The following PLD1 variants were observed in gnomAD, a reference collection of about 807,000 sequenced individuals.
The protein encoded by PLD1 is phospholipase D1.
In PLD1, 112 loss-of-function variants were observed where a neutral mutation model predicts 137.1. That is an observed-to-expected ratio of 0.82 (90% CI 0.70 to 0.96). The LOEUF is 0.96. Among genes scored for constraint, PLD1 ranks in the 40% least tolerant of loss-of-function variants. The pLI is 0.00. For synonymous variants in PLD1, 431 were observed against 454.7 expected, an observed-to-expected ratio of 0.95 and a Z score of 0.66; for missense variants, 1,321 against 1,342.0, an observed-to-expected ratio of 0.98 and a Z score of 0.24.
At chr3:171,775,543 T>C (rs866253291) in intron 1 of PLD1, among the ~76,000 whole-genome samples, 3 of 152,098 alleles carry the variant, frequency 2.0e-5, no homozygotes, top group South Asian at 2.1e-4. Context: ...AAAGAACATC[T>C]GATTTAAAGA....
intron 1 of PLD1, among the ~76,000 whole-genome samples, chr3:171,808,815 A>ATTTTTATTTTTTTTTTTTTTTTT (rs1723981150): frequency 1.2e-5 from 1 of 86,230 alleles, no homozygotes; most frequent in African/African-American, 4.8e-5. Context: ...TTAGCATTCA[A>ATTTTTATTTTTTTTTTTTTTTTT]TTTTTTTTTT....
chr3:171,602,186 G>T lies in PLD1; in HGVS notation c.*892C>A, dbSNP rs947027873. On this transcript the variant is annotated 3_prime_UTR_variant, in exon 27 of 27. Transcript: ENST00000351298. The stretch of plus-strand genomic sequence containing the variant: ...GCTAAGGATGACAGGAAATTTTACA[G>T]GACTAGAAGGAATCATCTTCTCTTA... 6.7e-6 allele frequency: 1 copy of T among 148,912 alleles called. No homozygotes were observed. The highest frequency in any genetic ancestry group is 1.5e-5 in the Non-Finnish European group (1 of 66,268). 9.2% of individuals were successfully genotyped at this position (148,912 alleles called of 1,614,324 possible).
intron 3 of PLD1, among the ~76,000 whole-genome samples, chr3:171,736,384 T>C (rs981922470): frequency 3.3e-5 from 5 of 152,180 alleles, no homozygotes; most frequent in Admixed American, 2.0e-4. Flanking sequence ...AATTAAACCA[T>C]GCAGTCTGCC....
At chr3:171,684,169 C>T (rs1476398454) in intron 16 of PLD1, among the ~76,000 whole-genome samples, 2 of 152,146 alleles carry the variant, frequency 1.3e-5, no homozygotes, top group African/African-American at 4.8e-5. Flanking sequence ...CTGGGGTAGG[C>T]GTGAGTTACT....
At chr3:171,711,497 CAATT>C (rs951755122) in intron 9 of PLD1, among the ~76,000 whole-genome samples, 14 of 151,906 alleles carry the variant, frequency 9.2e-5, no homozygotes, top group African/African-American at 3.4e-4. Context: ...CAATAATAAT[CAATT>C]AAACATATTG....
At chr3:171,678,404 GA>G (rs369689845) in intron 16 of PLD1, among the ~76,000 whole-genome samples, 7 of 152,192 alleles carry the variant, frequency 4.6e-5, no homozygotes, top group African/African-American at 1.7e-4. Context: ...AACAACAGAT[GA>G]AAGCTTATGA....
At chr3:171,801,254 T>C (rs1356233914) in intron 1 of PLD1, among the ~76,000 whole-genome samples, 2 of 152,226 alleles carry the variant, frequency 1.3e-5, no homozygotes, top group Non-Finnish European at 2.9e-5. Context: ...AACACCATCC[T>C]GAAGAGGGGC....
chr3:171,735,774 A>C, intron 3 of PLD1, 137 bp from the exon 4 acceptor site: 1 of 600,168 alleles, frequency 1.7e-6, no homozygotes, highest in East Asian at 2.8e-5. Context: ...TACTTAAGTA[A>C]ATTTGTTTCA....
At chr3:171,734,714 C>A in intron 5 of PLD1, 151 bp downstream of exon 5, 1 of 579,464 alleles carries the variant, frequency 1.7e-6, no homozygotes. Flanking sequence ...AAGGGACTGC[C>A]TAACTAGTTC....
Position 171,793,043 on chromosome 3 carries a change from G to A in PLD1, c.-32+17356C>T, listed in dbSNP as rs145758738. 155 of 246,230 alleles carry A rather than the reference G, an allele frequency of 6.3e-4. 1 individual carries two copies. Among genetic ancestry groups the A allele is most frequent in the African/African-American group, 3.5e-3 (150 of 43,318 alleles). 15.3% of individuals were successfully genotyped at this position (246,230 alleles called of 1,614,324 possible). A position where few individuals can be genotyped will look rare whatever the true frequency, so the allele number is the denominator to read the frequency against. Reference sequence around the variant, plus strand: ...GATCCACGTGGGAACACAAACCAGTGAAATTTGCGTGATCTCCACTGACTA... The same window carrying A: ...GATCCACGTGGGAACACAAACCAGTAAAATTTGCGTGATCTCCACTGACTA... On this transcript the variant is annotated intron_variant, in intron 1 of 26. Transcript: ENST00000351298.
intron 13 of PLD1, 146 bp from the exon 14 acceptor site, chr3:171,689,022 A>C (rs1053113606): frequency 1.6e-6 from 1 of 616,330 alleles, no homozygotes; most frequent in African/African-American, 1.9e-5. Flanking sequence ...AAATAATTTT[A>C]TTCTCAGCAT....
chr3:171,630,988 C>A (rs920561551), intron 23 of PLD1, among the ~76,000 whole-genome samples: 4 of 151,420 alleles, frequency 2.6e-5, no homozygotes, highest in African/African-American at 9.7e-5. Flanking sequence ...ACATTGTGCA[C>A]ATGTACCCTA....
chr3:171,662,258 C>T, intron 19 of PLD1, 88 bp from the exon 20 acceptor site: 1 of 734,802 alleles, frequency 1.4e-6, no homozygotes. Flanking sequence ...CCTTTTTCTT[C>T]CAGACGACTG....
At chr3:171,759,766 C>G (rs938287668) in intron 1 of PLD1, among the ~76,000 whole-genome samples, 7 of 152,188 alleles carry the variant, frequency 4.6e-5, no homozygotes, top group African/African-American at 1.7e-4. Flanking sequence ...TTTACTTATT[C>G]AAACATCTTT....
At chr3:171,648,276 C>T (rs1482935981) in intron 21 of PLD1, among the ~76,000 whole-genome samples, 1 of 152,016 alleles carries the variant, frequency 6.6e-6, no homozygotes, top group Non-Finnish European at 1.5e-5. Context: ...GAGGAACTAC[C>T]AAACAGGTTA....
intron 25 of PLD1, among the ~76,000 whole-genome samples, chr3:171,608,431 C>T (rs1241537557): frequency 6.6e-6 from 1 of 152,038 alleles, no homozygotes; most frequent in Non-Finnish European, 1.5e-5. Context: ...ATTCTAAAGT[C>T]CATGTGGAAG....
intron 23 of PLD1, among the ~76,000 whole-genome samples, chr3:171,622,069 T>A (rs902656785): frequency 1.3e-5 from 2 of 152,222 alleles, no homozygotes; most frequent in African/African-American, 4.8e-5. Flanking sequence ...TACCTTTTAA[T>A]TTCTCTGTAT....
chr3:171,624,559 ATG>A (rs1446006449), intron 23 of PLD1, among the ~76,000 whole-genome samples: 11 of 151,590 alleles, frequency 7.3e-5, no homozygotes, highest in African/African-American at 9.7e-5. Context: ...ATAAGAATAT[ATG>A]TATATATATT....
At chr3:171,740,980 T>C (rs1292124878) in intron 1 of PLD1, among the ~76,000 whole-genome samples, 1 of 152,236 alleles carries the variant, frequency 6.6e-6, no homozygotes, top group Admixed American at 6.5e-5. Flanking sequence ...TAATTACTTT[T>C]ATTTTATGGG....
Sources: gnomAD v4.1 joint callset for allele counts (sites outside exome capture counted in the v4.1 genomes callset) on GRCh38, gnomAD v4.1.1 for gene constraint, MANE v1.5 for transcripts, NCBI Gene and HGNC (gene_info 2026-07-23, HGNC 2026-07-21) for gene names.